Variants in IGFN1 observed in about 807,000 individuals in gnomAD.
The protein encoded by IGFN1 is immunoglobulin like and fibronectin type III domain containing 1, also known as immunoglobulin-like and fibronectin type III domain-containing protein 1.
In IGFN1, 253 loss-of-function variants were observed where a neutral mutation model predicts 289.5. The ratio of observed to expected loss-of-function variants is 0.87; its 90% CI spans 0.79 to 0.97. The LOEUF (loss-of-function observed/expected upper bound fraction) is 0.97, where lower values mean the gene tolerates loss of function less well. Ranked by LOEUF, IGFN1 falls within the 50% of genes least tolerant of loss-of-function variation. IGFN1 has a pLI of 0.00. For synonymous variants in IGFN1, 1,706 were observed against 1,788.5 expected, an observed-to-expected ratio of 0.95 and a Z score of 1.16; for missense variants, 4,470 against 4,686.1, an observed-to-expected ratio of 0.95 and a Z score of 1.35.
Position 201,226,033 on chromosome 1 carries a change from G to A in IGFN1, c.10696G>A (p.Glu3566Lys), listed in dbSNP as rs1408149566. The A allele has an allele frequency of 1.7e-5, 27 of 1,589,556 alleles. No homozygotes were observed. The highest frequency in any genetic ancestry group is 6.9e-5 in the Admixed American group (4 of 58,164). Residue 3566 changes from glutamate to lysine, a missense_variant, in exon 22 of 24, where the codon GAA becomes AAA. This residue lies in a region of IGFN1 where 2,218 missense variants were observed against 2,114.1 expected (regional missense o/e 1.05). Coordinates refer to ENST00000335211, the MANE Select transcript of IGFN1 (RefSeq NM_001164586.2). ...FTLLGILPGHEYHFRVVAKNE... is the reference protein window; with the variant it reads ...FTLLGILPGHKYHFRVVAKNE... ...CCTCCTGGGCATCCTCCCCGGCCAC[G>A]AATACCACTTCAGGGTGGTGGCCAA...
chr1:201,208,259 A>T lies in IGFN1; in HGVS notation c.3366A>T (p.Gly1122=). The change falls in exon 12 of 24, where the codon GGA becomes GGT. Residue 1122 remains glycine (G), a synonymous_variant. Coordinates refer to ENST00000335211, the MANE Select transcript of IGFN1 (RefSeq NM_001164586.2). ...SGRIRPWGQT[G]NYGGFRASEA... is the part of the protein sequence containing the mutation. ...GAATAAGGCCTTGGGGTCAGACTGG[A>T]AATTATGGGGGCTTCAGAGCCTCAG... The T allele has an allele frequency of 6.5e-7, 1 of 1,535,996 alleles. No homozygotes were observed. Among genetic ancestry groups the T allele is most frequent in the Non-Finnish European group, 8.7e-7 (1 of 1,146,708 alleles).
At position 201,209,929 on chromosome 1, in the gene IGFN1, G is replaced by A; in HGVS notation, c.5036G>A (p.Gly1679Glu). 1 of 1,455,878 alleles carries A rather than the reference G, an allele frequency of 6.9e-7. No individual in the cohort carries two copies. Among genetic ancestry groups the A allele is most frequent in the Non-Finnish European group, 9.2e-7 (1 of 1,084,552 alleles). The allele number at this position is 1,455,878 out of a possible 1,614,324, so 90.2% of individuals were successfully genotyped here. A position where few individuals can be genotyped will look rare whatever the true frequency, so the allele number is the denominator to read the frequency against. The change falls in exon 12 of 24, where the codon GGG becomes GAG. Residue 1679 changes from glycine to glutamate, a missense_variant. Physicochemically the swap from Gly to Glu is moderately conservative, Grantham distance 98. Coordinates refer to ENST00000335211, the MANE Select transcript of IGFN1 (RefSeq NM_001164586.2). The part of the protein sequence containing the change: ...MDEAGYRKNL[G>E]APEGIGSGSK... ...GAGGCAGGTTATAGGAAGAATTTGG[G>A]GGCTCCTGAGGGAATAGGTTCAGGG...
chr1:201,207,490 A>T lies in IGFN1; in HGVS notation c.2597A>T (p.Glu866Val). ...PGVLGPSGGQ[E>V]GMGGIWVAGL... ...GTGCTGGGGCCCAGTGGAGGACAAG[A>T]GGGTATGGGTGGTATCTGGGTGGCT... The change falls in exon 12 of 24, where the codon GAG becomes GTG. Residue 866 changes from glutamate (E) to valine (V), a missense_variant. Transcript: ENST00000335211. 6.5e-7 allele frequency: 1 copy of T among 1,532,654 alleles called. No homozygotes were observed. Among genetic ancestry groups the T allele is most frequent in the Non-Finnish European group, 8.7e-7 (1 of 1,144,596 alleles). The allele number at this position is 1,532,654 out of a possible 1,614,324, so 94.9% of individuals were successfully genotyped here.
chr1:201,215,523 C>G lies in IGFN1; in HGVS notation c.8996-16C>G, dbSNP rs151072821. On this transcript the variant is annotated splice_polypyrimidine_tract_variant and intron_variant, in intron 14 of 23. Transcript: ENST00000335211. The stretch of plus-strand genomic sequence containing the variant: ...CAGTGCCCTGGTCTTCCTTGACTCT[C>G]TTGTTTTATTTCTAGATTCCCCTAC... The G allele has an allele frequency of 6.9e-5, 106 of 1,541,370 alleles. No homozygotes were observed. The African/African-American group carries it at 1.3e-3, about 19-fold the overall frequency.
intron 2 of IGFN1, 51 bp from the exon 3 acceptor site, chr1:201,194,093 AAGGGCCACCC>A: frequency 6.5e-7 from 1 of 1,536,852 alleles, no homozygotes; most frequent in East Asian, 2.5e-5. Flanking sequence ...CATTCTGTTG[AAGGGCCACCC>A]AGGAGGAAGA....
intron 14 of IGFN1, 26 bp downstream of exon 14, chr1:201,215,180 G>A (rs753844009): frequency 1.7e-5 from 28 of 1,604,390 alleles, no homozygotes; most frequent in Non-Finnish European, 2.3e-5. Context: ...GCCCTGCCCT[G>A]CCCTGTCCTG....
intron 5 of IGFN1, among the ~76,000 whole-genome samples, chr1:201,197,762 AT>A (rs1666981821): frequency 6.6e-6 from 1 of 152,148 alleles, no homozygotes; most frequent in South Asian, 2.1e-4. Context: ...GGTGTTTGAA[AT>A]TTTAAAAATT....
In IGFN1 at chr1:201,208,989, G is replaced by A; in HGVS notation, c.4096G>A (p.Gly1366Ser). 2 of 1,536,488 alleles carry A rather than the reference G, an allele frequency of 1.3e-6. No individual in the cohort carries two copies. Among genetic ancestry groups the A allele is most frequent in the South Asian group, 1.2e-5 (1 of 84,024 alleles). The change falls in exon 12 of 24, where the codon GGT (glycine) becomes AGT (serine). Residue 1366 changes from glycine to serine, a missense_variant. Coordinates refer to ENST00000335211, the MANE Select transcript of IGFN1 (RefSeq NM_001164586.2). ...GGCAGATTATAGCGGTGGTTTAAAG[G>A]GTTCCAGGGAAATCGGGTCAATGGA... is the stretch of plus-strand genomic sequence containing the variant. ...SKADYSGGLKGSREIGSMDET... is the reference protein window; with the variant it reads ...SKADYSGGLKSSREIGSMDET...
At chr1:201,197,715 C>G (rs761399228) in intron 5 of IGFN1, among the ~76,000 whole-genome samples, 2 of 152,074 alleles carry the variant, frequency 1.3e-5, no homozygotes, top group Non-Finnish European at 2.9e-5. Flanking sequence ...ACACAAAGGC[C>G]AAATTCTCTC....
chr1:201,217,137 C>G (rs374185033), intron 16 of IGFN1, 150 bp from the exon 17 acceptor site: 4 of 675,338 alleles, frequency 5.9e-6, no homozygotes, highest in African/African-American at 3.6e-5. Flanking sequence ...AGAACACTGA[C>G]CTAGGGCGGG....
chr1:201,215,845 G>A lies in IGFN1; in HGVS notation c.9295+7G>A. 1 of 1,605,022 alleles carries A rather than the reference G, an allele frequency of 6.2e-7. No homozygotes were observed. Among genetic ancestry groups the A allele is most frequent in the Non-Finnish European group, 8.5e-7 (1 of 1,176,112 alleles). Reference sequence around the variant, plus strand: ...CTCACTCTGCAAGTCATAGGTACCAGCCCTGTCTTCCCCCAACTAAGGCCT... The same window carrying A: ...CTCACTCTGCAAGTCATAGGTACCAACCCTGTCTTCCCCCAACTAAGGCCT... On this transcript the variant is annotated splice_region_variant and intron_variant, in intron 15 of 23. Transcript: ENST00000335211.
Position 201,213,012 on chromosome 1 carries a change from G to T in IGFN1, c.8119G>T (p.Ala2707Ser), listed in dbSNP as rs1373660874. Residue 2707 changes from alanine to serine, a missense_variant, in exon 12 of 24, where the codon GCA (alanine) becomes TCA (serine). By Grantham distance (99) the Ala-to-Ser change is moderately conservative (BLOSUM62 1). Around this residue, in one of 8 missense-constraint regions of IGFN1, gnomAD observed 2,218 missense variants for 2,114.1 expected, o/e 1.05. Transcript: ENST00000335211. ...TCCTGGAAGGGGCAGTTCTGTTGATGCAGAGGACTCAGGTATCCTGGGCAA... is the reference window on the plus strand; with the variant it reads ...TCCTGGAAGGGGCAGTTCTGTTGATTCAGAGGACTCAGGTATCCTGGGCAA... ...SSPGRGSSVD[A>S]EDSGILGKGN... 1 of 1,551,484 alleles carries T rather than the reference G, an allele frequency of 6.4e-7. No individual in the cohort carries two copies. The highest frequency in any genetic ancestry group is 2.4e-5 in the East Asian group (1 of 40,928).
chr1:201,212,910 G>T lies in IGFN1; in HGVS notation c.8017G>T (p.Gly2673Cys), dbSNP rs537015394. ...CCATGAAGGGCCAGGGGGCTTTAAG[G>T]GTGGGGAGGGTGCACCAGGCCAAGA... ...GTHEGPGGFK[G>C]GEGAPGQEAA... The change falls in exon 12 of 24, where the codon GGT (glycine) becomes TGT (cysteine). Residue 2673 changes from glycine to cysteine, a missense_variant. Around this residue, in one of 8 missense-constraint regions of IGFN1, gnomAD observed 2,218 missense variants for 2,114.1 expected, o/e 1.05. Transcript: ENST00000335211. 6.4e-7 allele frequency: 1 copy of T among 1,551,488 alleles called. No homozygotes were observed. The highest frequency in any genetic ancestry group is 2.4e-5 in the East Asian group (1 of 40,924).
chr1:201,212,156 G>A lies in IGFN1; in HGVS notation c.7263G>A (p.Gly2421=), dbSNP rs1277776981. The change falls in exon 12 of 24, where the codon GGG becomes GGA. Residue 2421 remains glycine, a synonymous_variant. Coordinates refer to ENST00000335211, the MANE Select transcript of IGFN1 (RefSeq NM_001164586.2). The part of the protein sequence containing the change: ...ETRLVDGAGP[G]VEPGMAGMPG... ...GGCTTGTGGATGGGGCAGGACCTGG[G>A]GTGGAACCTGGGATGGCTGGAATGC... 1 of 1,536,242 alleles carries A rather than the reference G, an allele frequency of 6.5e-7. No homozygotes were observed. The highest frequency in any genetic ancestry group is 2.0e-5 in the Admixed American group (1 of 50,970).
At position 201,195,372 on chromosome 1, in the gene IGFN1, G is replaced by A. The variant is rs546462228; in HGVS notation, c.128-467G>A. ...TCACCATGTTGGCCAGGCTGGTCTC[G>A]AACTCCTGATCTCAGGTGATACGAC... is the stretch of plus-strand genomic sequence containing the variant. On this transcript the variant is annotated intron_variant, in intron 3 of 23. Transcript: ENST00000335211. Among the ~76,000 whole-genome samples, 355 of 152,208 alleles carry A rather than the reference G, an allele frequency of 2.3e-3. 3 individuals are homozygous for A. Among genetic ancestry groups the A allele is most frequent in the African/African-American group, 8.1e-3 (337 of 41,536 alleles).
chr1:201,213,426 C>T lies in IGFN1; in HGVS notation c.8533C>T (p.Pro2845Ser). Residue 2845 changes from proline to serine, a missense_variant, in exon 12 of 24, where the codon CCT (proline) becomes TCT (serine). By Grantham distance (74) the Pro-to-Ser change is moderately conservative. Transcript: ENST00000335211. ...ADEAGSMGWQ[P>S]MGENWGCLEE... ...CGAGGCTGGAAGCATGGGGTGGCAG[C>T]CTATGGGAGAGAACTGGGGGTGCCT... 1 of 1,613,960 alleles carries T rather than the reference C, an allele frequency of 6.2e-7. No individual in the cohort carries two copies. The highest frequency in any genetic ancestry group is 8.5e-7 in the Non-Finnish European group (1 of 1,179,930).
Position 201,215,575 on chromosome 1 carries a change from T to A in IGFN1, c.9032T>A (p.Leu3011Gln). Residue 3011 changes from leucine (L) to glutamine (Q), a missense_variant, in exon 15 of 24, where the codon CTG (leucine) becomes CAG (glutamine). Coordinates refer to ENST00000335211, the MANE Select transcript of IGFN1 (RefSeq NM_001164586.2). ...ATTGCTCCAGATGTGACAGAGAAAC[T>A]GAGAGAGCCACTGGTGGTCAAGGCT... is the stretch of plus-strand genomic sequence containing the variant. ...PTIAPDVTEK[L>Q]REPLVVKAGK... The A allele has an allele frequency of 6.2e-7, 1 of 1,604,136 alleles. No individual in the cohort carries two copies.
At chr1:201,221,333 T>A in intron 18 of IGFN1, 111 bp from the exon 19 acceptor site, 1 of 828,788 alleles carries the variant, frequency 1.2e-6, no homozygotes, top group South Asian at 1.9e-5. Context: ...AAAGGCAGAA[T>A]TGCTAAGTGA....
chr1:201,216,623 C>CTTCA lies in IGFN1; in HGVS notation c.9465_9466insTTCA (p.Ala3156PhefsTer3), dbSNP rs1653319318. ...CTTGGCTGAAGGTGGGCGAGGCCCCCGCTGACAGCACCACCTTCACGGATG... is the reference window on the plus strand; with the variant it reads ...CTTGGCTGAAGGTGGGCGAGGCCCCCTTCAGCTGACAGCACCACCTTCACGGATG... On this transcript the variant is annotated frameshift_variant, in exon 16 of 24. Coordinates refer to ENST00000335211, the MANE Select transcript of IGFN1 (RefSeq NM_001164586.2). LOFTEE classifies it high-confidence loss of function. The CTTCA allele has an allele frequency of 6.2e-7, 1 of 1,613,778 alleles. No individual in the cohort carries two copies. The highest frequency in any genetic ancestry group is 1.3e-5 in the African/African-American group (1 of 74,916).
Sources: allele counts gnomAD v4.1 joint callset (sites outside exome capture counted in the v4.1 genomes callset), GRCh38; gene constraint gnomAD v4.1.1; regional missense constraint gnomAD v4.1.1; transcripts MANE v1.5; gene names NCBI Gene and HGNC (gene_info 2026-07-23, HGNC 2026-07-21).